Variants in MACF1 observed in about 807,000 individuals in gnomAD.
The protein encoded by MACF1 is microtubule actin crosslinking factor 1, also known as microtubule-actin cross-linking factor 1.
Under a neutral mutation model 854.8 loss-of-function variants are expected in MACF1, and 193 were observed. That is an observed-to-expected ratio of 0.23 (90% CI 0.20 to 0.25). The LOEUF is 0.25. Among genes scored for constraint, MACF1 ranks in the 10% least tolerant of loss-of-function variants. The pLI, the probability that MACF1 is intolerant of heterozygous loss-of-function variation, is 1.00. For missense variants in MACF1, 7,722 were observed against 8,929.1 expected, an observed-to-expected ratio of 0.86 and a Z score of 5.45; for synonymous variants, 3,185 against 3,226.7, an observed-to-expected ratio of 0.99 and a Z score of 0.44.
chr1:39,359,341 G>A, intron 47 of MACF1, 77 bp downstream of exon 47: 2 of 1,517,582 alleles, frequency 1.3e-6, no homozygotes, highest in Admixed American at 3.7e-5. Flanking sequence ...GTCACATTGT[G>A]TTGTGCAAAT....
At position 39,137,727 on chromosome 1, in the gene MACF1, A is replaced by G. The variant is rs189369348; in HGVS notation, c.220+53289A>G. Among the ~76,000 whole-genome samples, 541 of 152,306 alleles carry G rather than the reference A, an allele frequency of 3.6e-3. 1 individual carries two copies. The highest frequency in any genetic ancestry group is 6.1e-3 in the Admixed American group (93 of 15,300). On this transcript the variant is annotated intron_variant, in intron 2 of 93. Transcript: ENST00000361689. ...TTGGCAAGCAAGTAAGGATTGCTCAATTAAAAGTATTGCATTATCTCATTC... is the reference window on the plus strand; with the variant it reads ...TTGGCAAGCAAGTAAGGATTGCTCAGTTAAAAGTATTGCATTATCTCATTC...
At chr1:39,175,938 A>G (rs1644018169) in intron 2 of MACF1, among the ~76,000 whole-genome samples, 1 of 51,898 alleles carries the variant, frequency 1.9e-5, no homozygotes, top group South Asian at 7.4e-4. Context: ...TCTACTAAAA[A>G]TACAAAAAAA....
intron 52 of MACF1, 99 bp from the exon 53 acceptor site, chr1:39,378,362 A>G (rs1649893398): frequency 1.3e-6 from 1 of 789,076 alleles, no homozygotes; most frequent in African/African-American, 1.7e-5. Context: ...ACTTCCTGAT[A>G]CCTAAGCTTA....
chr1:39,255,211 C>T (rs1350257176), intron 5 of MACF1, among the ~76,000 whole-genome samples: 1 of 152,224 alleles, frequency 6.6e-6, no homozygotes. Context: ...ACCCTTCCTC[C>T]TTTGCTTCCT....
intron 1 of MACF1, among the ~76,000 whole-genome samples, chr1:39,213,749 C>T (rs1035931629): frequency 2.0e-5 from 3 of 152,012 alleles, no homozygotes; most frequent in African/African-American, 7.3e-5. Context: ...TTTCCCAGTA[C>T]GAGGCAAATT....
At chr1:39,363,132 T>C (rs1188351465) in intron 49 of MACF1, among the ~76,000 whole-genome samples, 1 of 152,216 alleles carries the variant, frequency 6.6e-6, no homozygotes, top group Non-Finnish European at 1.5e-5. Flanking sequence ...ACCTGAATTA[T>C]TTTTTCTGTA....
intron 2 of MACF1, among the ~76,000 whole-genome samples, chr1:39,183,730 T>C (rs1436640222): frequency 6.6e-6 from 1 of 150,880 alleles, no homozygotes; most frequent in African/African-American, 2.4e-5. Context: ...CCCAGCCCCA[T>C]ACCCAGCTCC....
chr1:39,436,217 A>C (rs1370792825), intron 70 of MACF1, among the ~76,000 whole-genome samples: 1 of 152,248 alleles, frequency 6.6e-6, no homozygotes, highest in East Asian at 1.9e-4. Context: ...AGCATAAACC[A>C]GCAGAGGGAT....
chr1:39,413,808 A>T, intron 58 of MACF1: 1 of 1,606,596 alleles, frequency 6.2e-7, no homozygotes, highest in Non-Finnish European at 8.5e-7. Flanking sequence ...CCCCAGCAGA[A>T]TCTGCCTCCT....
intron 58 of MACF1, chr1:39,413,789 C>T (rs745925264): frequency 6.2e-7 from 1 of 1,611,818 alleles, no homozygotes; most frequent in South Asian, 1.1e-5. Flanking sequence ...CCAGCTGCTG[C>T]AGTGCCCACC....
rs761264462 is a variant in MACF1 at position 39,385,463 on chromosome 1, G to A, written c.13878G>A (p.Arg4626=). 3.3e-5 allele frequency: 53 copies of A among 1,613,932 alleles called. No individual in the cohort carries two copies. Among genetic ancestry groups the A allele is most frequent in the Non-Finnish European group, 4.4e-5 (52 of 1,179,964 alleles). Residue 4626 remains arginine (R), a synonymous_variant, in exon 57 of 101, where the codon AGG becomes AGA. Transcript: ENST00000564288. ...TGCTAAAGGAATTTGAAGCACGCAG[G>A]CAACAGCATGAGCAACTGAATGAGG... ...QFMLKEFEAR[R]QQHEQLNEAA...
At chr1:39,358,071 C>G (rs1647745777) in intron 45 of MACF1, among the ~76,000 whole-genome samples, 178 bp downstream of exon 45, 1 of 152,188 alleles carries the variant, frequency 6.6e-6, no homozygotes, top group Non-Finnish European at 1.5e-5. Flanking sequence ...TACATAGGTA[C>G]TAGCCCAAAG....
At chr1:39,095,692 G>A (rs1641919960) in intron 2 of MACF1, among the ~76,000 whole-genome samples, 1 of 151,284 alleles carries the variant, frequency 6.6e-6, no homozygotes, top group Non-Finnish European at 1.5e-5. Context: ...ACCAGCCTGA[G>A]CAACATAGTG....
At chr1:39,324,836 C>A in intron 35 of MACF1, 102 bp downstream of exon 35, 2 of 864,136 alleles carry the variant, frequency 2.3e-6, no homozygotes, top group Non-Finnish European at 3.7e-6. Flanking sequence ...TTCAGAGCAG[C>A]AAGAGCCAGA....
intron 80 of MACF1, among the ~76,000 whole-genome samples, chr1:39,445,778 G>A (rs987965703): frequency 1.3e-5 from 2 of 152,126 alleles, no homozygotes; most frequent in Non-Finnish European, 1.5e-5. Flanking sequence ...GGGCAATATA[G>A]CAAGACCCCA....
chr1:39,414,481 A>G (rs1449465738), intron 58 of MACF1: 2 of 1,613,866 alleles, frequency 1.2e-6, no homozygotes, highest in Admixed American at 1.7e-5. Flanking sequence ...AGATGAGGTA[A>G]TTGTCCATTT....
At position 39,331,526 on chromosome 1, in the gene MACF1, A is replaced by C; in HGVS notation, c.4938A>C (p.Thr1646=). Residue 1646 remains threonine, a synonymous_variant, in exon 37 of 101, where the codon ACA becomes ACC. Transcript: ENST00000564288. ...TTGAAAAGAGAATAATCAGTGAGACAGTTGGACTGAAAATCTTAGAAGCTC... is the reference window on the plus strand; with the variant it reads ...TTGAAAAGAGAATAATCAGTGAGACCGTTGGACTGAAAATCTTAGAAGCTC... ...EAIEKRIISE[T]VGLKILEAHL... is the part of the protein sequence containing the mutation. 1.9e-6 allele frequency: 3 copies of C among 1,614,184 alleles called. No homozygotes were observed. The highest frequency in any genetic ancestry group is 2.5e-6 in the Non-Finnish European group (3 of 1,180,016).
chr1:39,327,762 G>A (rs567746981), intron 36 of MACF1, among the ~76,000 whole-genome samples: 37 of 152,280 alleles, frequency 2.4e-4, no homozygotes, highest in South Asian at 6.2e-4. Flanking sequence ...TCTATACTAA[G>A]GCAGTAAGAA....
intron 1 of MACF1, among the ~76,000 whole-genome samples, chr1:39,216,449 C>G (rs777644599): frequency 2.6e-5 from 4 of 152,070 alleles, no homozygotes; most frequent in African/African-American, 7.2e-5. Flanking sequence ...TAACAAGGAG[C>G]AAAATTGTGA....
Sources: allele counts gnomAD v4.1 joint callset (sites outside exome capture counted in the v4.1 genomes callset), GRCh38; gene constraint gnomAD v4.1.1; transcripts MANE v1.5; gene names NCBI Gene and HGNC (gene_info 2026-07-23, HGNC 2026-07-21).